The following FAM76A variants were observed in gnomAD, a reference collection of about 807,000 sequenced individuals.
The protein encoded by FAM76A is family with sequence similarity 76 member A, also known as protein FAM76A.
FAM76A carries 32 observed loss-of-function variants against 46.2 expected under a neutral mutation model. The observed-to-expected ratio is 0.69, with a 90% CI of 0.52 to 0.93. The LOEUF (loss-of-function observed/expected upper bound fraction) is 0.93. FAM76A is among the 40% of genes least tolerant of loss of function. The pLI, the probability that FAM76A is intolerant of heterozygous loss-of-function variation, is 0.00. For missense variants in FAM76A, 274 were observed against 361.5 expected (o/e 0.76, Z 1.96); for synonymous variants, 137 against 127.0 (o/e 1.08, Z -0.53).
At chr1:27,730,749 A>G (rs576925886) in intron 2 of FAM76A, among the ~76,000 whole-genome samples, 1 of 152,264 alleles carries the variant, frequency 6.6e-6, no homozygotes, top group South Asian at 2.1e-4. Flanking sequence ...TCTTTTGTCT[A>G]TTTTAACTTT....
intron 1 of FAM76A, 109 bp downstream of exon 1, chr1:27,726,270 G>GCCCGCCAGGCTGAGGAGCCGCA: frequency 2.9e-6 from 3 of 1,018,674 alleles, no homozygotes; most frequent in Non-Finnish European, 3.8e-6. Flanking sequence ...GGTGTGGCAG[G>GCCCGCCAGGCTGAGGAGCCGCA]CCCGCCAGGC....
At chr1:27,739,355 A>G (rs2148573245) in intron 4 of FAM76A, 1 of 526,252 alleles carries the variant, frequency 1.9e-6, no homozygotes. Context: ...TGCCTACACT[A>G]CTTAAATATG....
rs1361734862 is a variant in FAM76A at position 27,760,901 on chromosome 1, G to A, written c.*320G>A. 8.8e-5 allele frequency: 2 copies of A among 22,738 alleles called. No homozygotes were observed. The highest frequency in any genetic ancestry group is 1.9e-3 in the South Asian group (1 of 534). 1.4% of individuals were successfully genotyped at this position (22,738 alleles called of 1,614,324 possible). On this transcript the variant is annotated 3_prime_UTR_variant, in exon 9 of 9. Transcript: ENST00000373954. ...TCTTTTTTTTTTTTTTTTTTTTTTT[G>A]TGGTGGTCACTGCTCAGTGTAATGT...
Position 27,761,482 on chromosome 1 carries a change from A to G in FAM76A, c.*901A>G, listed in dbSNP as rs1037018065. 6.6e-6 allele frequency: 1 copy of G among 152,638 alleles called. No individual in the cohort carries two copies. The highest frequency in any genetic ancestry group is 2.4e-5 in the African/African-American group (1 of 41,436). The allele number at this position is 152,638 out of a possible 1,614,324, so 9.5% of individuals were successfully genotyped here. ...TCTGTCTTTTTAAGTAAGGGCAGAAAGCAAGGTTGTCCAGGTTGTACTGGA... is the reference window on the plus strand; with the variant it reads ...TCTGTCTTTTTAAGTAAGGGCAGAAGGCAAGGTTGTCCAGGTTGTACTGGA... On this transcript the variant is annotated 3_prime_UTR_variant, in exon 9 of 9. Coordinates refer to ENST00000373954, the MANE Select transcript of FAM76A (RefSeq NM_152660.3).
rs574442706 is a variant in FAM76A at position 27,754,100 on chromosome 1, T to C, written c.600-1095T>C. Among the ~76,000 whole-genome samples, 43 of 108,200 alleles carry C rather than the reference T, an allele frequency of 4.0e-4. No individual in the cohort carries two copies. In the South Asian group the frequency reaches 0.01, roughly 26 times the overall value. The allele number at this position is 108,200 out of a possible 152,430, so 71.0% of individuals were successfully genotyped here. A position where few individuals can be genotyped will look rare whatever the true frequency, so the allele number is the denominator to read the frequency against. ...GCAGATTTCCTGAAACTATCCCTTC[T>C]TTTTTTTTTTTTTTTTTTTTTTTGA... On this transcript the variant is annotated intron_variant, in intron 6 of 8. Transcript: ENST00000373954.
chr1:27,759,766 G>GTTTTTTTTTTTT (rs374632191), intron 8 of FAM76A, 139 bp downstream of exon 8: 83 of 485,532 alleles, frequency 1.7e-4, no homozygotes, highest in South Asian at 6.7e-4. Flanking sequence ...CCCCTTTTAG[G>GTTTTTTTTTTTT]TTTTTTTTTT....
At chr1:27,750,774 T>G (rs1325148646) in intron 6 of FAM76A, among the ~76,000 whole-genome samples, 1 of 152,266 alleles carries the variant, frequency 6.6e-6, no homozygotes, top group African/African-American at 2.4e-5. Context: ...GTTCAGTGTT[T>G]TATTGCATCC....
At chr1:27,740,021 G>A in intron 4 of FAM76A, 1 of 356,596 alleles carries the variant, frequency 2.8e-6, no homozygotes, top group South Asian at 2.7e-5. Context: ...GGGGTCAAGT[G>A]CCTCCGTATT....
intron 2 of FAM76A, among the ~76,000 whole-genome samples, chr1:27,730,080 A>T (rs2087928765): frequency 6.6e-6 from 1 of 152,220 alleles, no homozygotes; most frequent in Admixed American, 6.5e-5. Context: ...GAGTTAATTC[A>T]TATGTGGGGT....
At chr1:27,744,470 A>G (rs2088207938) in intron 4 of FAM76A, among the ~76,000 whole-genome samples, 184 bp from the exon 5 acceptor site, 4 of 152,122 alleles carry the variant, frequency 2.6e-5, no homozygotes. Context: ...GCCTGGCACT[A>G]TGTTAAGTGC....
At chr1:27,748,054 G>A (rs1346968625) in intron 5 of FAM76A, among the ~76,000 whole-genome samples, 1 of 150,900 alleles carries the variant, frequency 6.6e-6, no homozygotes, top group Non-Finnish European at 1.5e-5. Flanking sequence ...CTGTACAGTA[G>A]AAATAATAAC....
chr1:27,753,041 T>C (rs2088355872), intron 6 of FAM76A, among the ~76,000 whole-genome samples: 1 of 152,106 alleles, frequency 6.6e-6, no homozygotes, highest in African/African-American at 2.4e-5. Flanking sequence ...ACGCCTGTAA[T>C]CCCAGCTACT....
intron 4 of FAM76A, among the ~76,000 whole-genome samples, chr1:27,737,709 G>A (rs1234497861): frequency 6.6e-6 from 1 of 151,702 alleles, no homozygotes; most frequent in Non-Finnish European, 1.5e-5. Flanking sequence ...AAAATTAGCC[G>A]GGCATGGTGA....
intron 4 of FAM76A, 90 bp downstream of exon 4, chr1:27,734,273 C>T (rs1393321977): frequency 2.9e-6 from 4 of 1,362,056 alleles, no homozygotes; most frequent in South Asian, 1.5e-5. Flanking sequence ...ATAGGCCGGG[C>T]GTGGTGGCTC....
intron 5 of FAM76A, 23 bp from the exon 6 acceptor site, chr1:27,749,045 C>A: frequency 6.8e-7 from 1 of 1,473,138 alleles, no homozygotes; most frequent in Non-Finnish European, 9.3e-7. Flanking sequence ...TAATGTGTGT[C>A]TCTCTATTTT....
At chr1:27,752,201 T>C (rs1018323458) in intron 6 of FAM76A, among the ~76,000 whole-genome samples, 2 of 152,340 alleles carry the variant, frequency 1.3e-5, no homozygotes, top group East Asian at 3.9e-4. Flanking sequence ...TCTTCTCTTA[T>C]TTAATATTGA....
At position 27,756,797 on chromosome 1, in the gene FAM76A, C is replaced by A. The variant is rs567547731; in HGVS notation, c.735+1467C>A. ...TTTTTAGGCTGGGCACACTGGCTCACACCTGTAATCCCAACACTTTGGGAG... is the reference window on the plus strand; with the variant it reads ...TTTTTAGGCTGGGCACACTGGCTCAAACCTGTAATCCCAACACTTTGGGAG... On this transcript the variant is annotated intron_variant, in intron 7 of 8. Coordinates refer to ENST00000373954, the MANE Select transcript of FAM76A (RefSeq NM_152660.3). Among the ~76,000 whole-genome samples, 7 of 152,060 alleles carry A rather than the reference C, an allele frequency of 4.6e-5. No individual in the cohort carries two copies. In the South Asian group the frequency reaches 1.5e-3, roughly 32 times the overall value.
In FAM76A at chr1:27,734,053, A is replaced by G. The variant is rs1322911738; in HGVS notation, c.224A>G (p.Asn75Ser). 2.5e-6 allele frequency: 4 copies of G among 1,609,820 alleles called. No homozygotes were observed. The Admixed American group carries it at 6.8e-5, about 27-fold the overall frequency. Reference protein sequence around the residue: ...YGTPKPCQYCNIIAAFIGNKC... With the variant: ...YGTPKPCQYCSIIAAFIGNKC... The stretch of plus-strand genomic sequence containing the variant: ...AAGCCCAAACCTTGTCAGTATTGCA[A>G]CATAATTGCAGCATTTATTGGGAAT... The change falls in exon 4 of 9, where the codon AAC (asparagine) becomes AGC (serine). Residue 75 changes from asparagine to serine, a missense_variant. Asn to Ser is a conservative substitution (Grantham distance 46). Transcript: ENST00000373954.
At chr1:27,735,380 G>A (rs185225131) in intron 4 of FAM76A, among the ~76,000 whole-genome samples, 31 of 152,246 alleles carry the variant, frequency 2.0e-4, no homozygotes, top group East Asian at 1.7e-3. Flanking sequence ...TGTCCATCTC[G>A]TTCTCTGCTT....
Sources: gnomAD v4.1 joint callset for allele counts (sites outside exome capture counted in the v4.1 genomes callset) on GRCh38, gnomAD v4.1.1 for gene constraint, MANE v1.5 for transcripts, NCBI Gene and HGNC (gene_info 2026-07-23, HGNC 2026-07-21) for gene names.